The following MAGI2 variants were observed in gnomAD, a reference collection of about 807,000 sequenced individuals.
MAGI2 encodes membrane-associated guanylate kinase, WW and PDZ domain-containing protein 2.
MAGI2 carries 35 observed loss-of-function variants against 133.3 expected under a neutral mutation model. That is an observed-to-expected ratio of 0.26 (90% CI 0.20 to 0.35). The LOEUF is 0.35. Among genes scored for constraint, MAGI2 ranks in the 10% least tolerant of loss-of-function variants. MAGI2 has a pLI of 1.00. For synonymous variants in MAGI2, 729 were observed against 710.6 expected (o/e 1.03, Z -0.41); for missense variants, 1,636 against 1,863.4 (o/e 0.88, Z 2.25).
chr7:78,295,214 A>AAGTG (rs1479291519), intron 9 of MAGI2, among the ~76,000 whole-genome samples: 1 of 152,172 alleles, frequency 6.6e-6, no homozygotes, highest in Non-Finnish European at 1.5e-5. Context: ...GGCTTAGAGA[A>AAGTG]AGTGAGTCCC....
intron 10 of MAGI2, among the ~76,000 whole-genome samples, chr7:78,229,221 C>T (rs1584479735): frequency 6.6e-6 from 1 of 152,244 alleles, no homozygotes; most frequent in African/African-American, 2.4e-5. Flanking sequence ...AGCTTTTGCA[C>T]CAGGCACTGT....
chr7:78,692,040 G>T lies in MAGI2; in HGVS notation c.419-64801C>A, dbSNP rs1179260870. On this transcript the variant is annotated intron_variant, in intron 2 of 21. Transcript: ENST00000354212. ...TCTGTACCTTCCTCTCAATCTTGCT[G>T]TAAACTTAAAACTGCTCTAAAAAAA... Among the ~76,000 whole-genome samples the T allele has an allele frequency of 2.6e-5, 4 of 151,974 alleles. No homozygotes were observed. The East Asian group carries it at 5.8e-4, about 22-fold the overall frequency.
intron 3 of MAGI2, among the ~76,000 whole-genome samples, chr7:78,592,140 T>C (rs1034132577): frequency 7.2e-5 from 11 of 152,198 alleles, no homozygotes; most frequent in South Asian, 2.1e-4. Flanking sequence ...GAAAGAAAGT[T>C]GCAAAGAAAT....
chr7:79,429,079 C>T (rs979150136), intron 1 of MAGI2, among the ~76,000 whole-genome samples: 2 of 151,978 alleles, frequency 1.3e-5, no homozygotes, highest in African/African-American at 2.4e-5. Context: ...GAAACCAAGC[C>T]CATATCTATA....
chr7:78,795,952 A>C (rs1787573027), intron 2 of MAGI2, among the ~76,000 whole-genome samples: 1 of 152,128 alleles, frequency 6.6e-6, no homozygotes, highest in Non-Finnish European at 1.5e-5. Flanking sequence ...ATGAAACTAG[A>C]TCCCATCTTT....
chr7:79,017,534 T>C (rs1021063334), intron 1 of MAGI2, among the ~76,000 whole-genome samples: 1 of 152,190 alleles, frequency 6.6e-6, no homozygotes, highest in Non-Finnish European at 1.5e-5. Context: ...AAGTGGCTTC[T>C]TACCTCCAAA....
chr7:78,825,795 A>C (rs1246174736), intron 2 of MAGI2, among the ~76,000 whole-genome samples: 1 of 152,166 alleles, frequency 6.6e-6, no homozygotes, highest in Non-Finnish European at 1.5e-5. Context: ...AAGCAATGGT[A>C]TTGGCCACTG....
intron 21 of MAGI2, chr7:78,072,787 C>T (rs2151169231): frequency 7.6e-6 from 3 of 396,852 alleles, no homozygotes; most frequent in East Asian, 7.1e-5. Context: ...CTTAAGTGAT[C>T]CTCCTGAGTA....
intron 1 of MAGI2, among the ~76,000 whole-genome samples, chr7:79,416,527 C>T (rs1846525642): frequency 6.6e-6 from 1 of 152,000 alleles, no homozygotes; most frequent in South Asian, 2.1e-4. Context: ...TAAAAATGCA[C>T]TTCTATGTGA....
At chr7:78,033,131 C>G (rs1049629303) in intron 21 of MAGI2, among the ~76,000 whole-genome samples, 2 of 151,860 alleles carry the variant, frequency 1.3e-5, no homozygotes, top group Admixed American at 6.6e-5. Flanking sequence ...TGTGGGTGAT[C>G]GTGATGGAGG....
chr7:78,561,073 T>G (rs147632656), intron 3 of MAGI2, among the ~76,000 whole-genome samples: 1 of 152,028 alleles, frequency 6.6e-6, no homozygotes, highest in Non-Finnish European at 1.5e-5. Context: ...AGCAAAAACT[T>G]AGAAAGCAGT....
intron 1 of MAGI2, among the ~76,000 whole-genome samples, chr7:79,205,165 C>T (rs1044044828): frequency 1.3e-5 from 2 of 151,854 alleles, no homozygotes; most frequent in East Asian, 1.9e-4. Context: ...CATAAGAATA[C>T]CCCAAGACAT....
At chr7:78,029,122 C>T (rs1362036772) in intron 21 of MAGI2, among the ~76,000 whole-genome samples, 2 of 152,102 alleles carry the variant, frequency 1.3e-5, no homozygotes, top group Non-Finnish European at 2.9e-5. Flanking sequence ...CTGTAGTAAA[C>T]ATGAAAATGA....
At chr7:79,317,959 C>T (rs1206050086) in intron 1 of MAGI2, among the ~76,000 whole-genome samples, 1 of 152,180 alleles carries the variant, frequency 6.6e-6, no homozygotes, top group African/African-American at 2.4e-5. Context: ...CTCTTTGCTG[C>T]TCTTTGACCA....
rs200068841 is a variant in MAGI2 at position 78,160,210 on chromosome 7, C to T, written c.2660G>A (p.Arg887His). 7.8e-5 allele frequency: 126 copies of T among 1,612,312 alleles called. 1 individual carries two copies. Among genetic ancestry groups the T allele is most frequent in the East Asian group, 6.7e-5 (3 of 44,870 alleles). Residue 887 changes from arginine (R) to histidine (H), a missense_variant, in exon 16 of 22, where the codon CGC (arginine) becomes CAC (histidine). By Grantham distance (29) the Arg-to-His change is conservative (BLOSUM62 0). Around this residue, in one of 5 missense-constraint regions of MAGI2, gnomAD observed 920 missense variants for 1,093.5 expected, o/e 0.84. Coordinates refer to ENST00000354212, the MANE Select transcript of MAGI2 (RefSeq NM_012301.4). ...GTTGGTGTAGGTTGCGTAGTCACTG[C>T]GTGGAGAGCTGTGGTGGGTGGATAC... ...GSVSTHHSSP[R>H]SDYATYTNSN...
intron 6 of MAGI2, among the ~76,000 whole-genome samples, chr7:78,477,889 T>C (rs1005147151): frequency 6.6e-6 from 1 of 151,722 alleles, no homozygotes; most frequent in African/African-American, 2.4e-5. Context: ...TCCTTTCTTA[T>C]GGGTTTTAAA....
chr7:78,905,219 C>T (rs563480438), intron 2 of MAGI2, among the ~76,000 whole-genome samples: 3 of 152,172 alleles, frequency 2.0e-5, no homozygotes, highest in Admixed American at 6.5e-5. Context: ...CATGTATACT[C>T]TCTCCAAACT....
At chr7:78,555,763 A>T (rs1799770214) in intron 3 of MAGI2, among the ~76,000 whole-genome samples, 1 of 152,182 alleles carries the variant, frequency 6.6e-6, no homozygotes, top group East Asian at 1.9e-4. Flanking sequence ...GATTTTAGTC[A>T]ATGACTACAC....
At chr7:79,288,866 G>C (rs1034615491) in intron 1 of MAGI2, among the ~76,000 whole-genome samples, 9 of 152,180 alleles carry the variant, frequency 5.9e-5, no homozygotes, top group Non-Finnish European at 1.3e-4. Flanking sequence ...GACATACAAT[G>C]AATGACGTTT....
Sources: allele counts gnomAD v4.1 joint callset (sites outside exome capture counted in the v4.1 genomes callset), GRCh38; gene constraint gnomAD v4.1.1; regional missense constraint gnomAD v4.1.1; transcripts MANE v1.5; gene names NCBI Gene and HGNC (gene_info 2026-07-23, HGNC 2026-07-21).